Variants in STRBP observed in about 807,000 individuals in gnomAD.
STRBP encodes the protein spermatid perinuclear RNA binding protein.
STRBP carries 13 observed loss-of-function variants against 80.1 expected under a neutral mutation model. The ratio of observed to expected loss-of-function variants is 0.16; its 90% CI spans 0.11 to 0.26. STRBP has a LOEUF of 0.26. STRBP is among the 10% of genes least tolerant of loss of function. The probability of loss-of-function intolerance (pLI) is 1.00; values close to 1 mark genes in which losing one functional copy is unlikely to be tolerated. For synonymous variants in STRBP, 284 were observed against 291.2 expected (o/e 0.98, Z 0.25); for missense variants, 485 against 815.2 (o/e 0.59, Z 4.93).
At chr9:123,228,082 G>T (rs2040295443) in intron 2 of STRBP, among the ~76,000 whole-genome samples, 1 of 152,182 alleles carries the variant, frequency 6.6e-6, no homozygotes, top group East Asian at 1.9e-4. Context: ...ATTGGATGTG[G>T]GATGTGAGAA....
rs144477622 is a variant in STRBP, at chr9:123,137,467, T to C, written c.1498-952A>G. On this transcript the variant is annotated intron_variant, in intron 14 of 18. Transcript: ENST00000348403. ...CTCTGTGGCCCAGGCTGGAGTGCAG[T>C]GGTGCAATCTCGGCTCACTGCAACC... Among the ~76,000 whole-genome samples the C allele has an allele frequency of 3.2e-3, 486 of 152,298 alleles. 1 individual carries two copies. The highest frequency in any genetic ancestry group is 0.011 in the African/African-American group (467 of 41,566).
At chr9:123,249,985 T>A (rs1349190135) in intron 1 of STRBP, among the ~76,000 whole-genome samples, 1 of 152,202 alleles carries the variant, frequency 6.6e-6, no homozygotes. Context: ...CAATGCATAA[T>A]GTTATAAAAC....
intron 2 of STRBP, chr9:123,116,219 T>A (rs182267642): frequency 9.1e-5 from 37 of 408,308 alleles, no homozygotes; most frequent in Middle Eastern, 4.7e-4. Context: ...GGTGATCCCA[T>A]GGGTTAGAGC....
chr9:123,230,082 G>A (rs1175877420), intron 2 of STRBP, among the ~76,000 whole-genome samples: 2 of 152,126 alleles, frequency 1.3e-5, no homozygotes, highest in Non-Finnish European at 2.9e-5. Flanking sequence ...TTAGCATAAT[G>A]ACTATGGAAT....
At chr9:123,175,286 G>C (rs1195452371) in intron 4 of STRBP, among the ~76,000 whole-genome samples, 1 of 152,174 alleles carries the variant, frequency 6.6e-6, no homozygotes, top group Non-Finnish European at 1.5e-5. Flanking sequence ...TGTCAAGCAA[G>C]GCAAACTGAA....
intron 1 of STRBP, among the ~76,000 whole-genome samples, chr9:123,263,834 A>ATT (rs2041210491): frequency 6.6e-6 from 1 of 152,118 alleles, no homozygotes; most frequent in Non-Finnish European, 1.5e-5. Flanking sequence ...TCAGTAATCA[A>ATT]TTTTCTGCAA....
intron 10 of STRBP, 28 bp downstream of exon 10, chr9:123,158,304 A>C (rs779208035): frequency 1.2e-6 from 2 of 1,603,264 alleles, no homozygotes; most frequent in South Asian, 2.2e-5. Context: ...TTCACTAATA[A>C]GTCAGAGTGG....
rs142930100 is a variant in STRBP at position 123,151,113 on chromosome 9, A to G, written c.1046-3243T>C. Among the ~76,000 whole-genome samples, 870 of 152,336 alleles carry G rather than the reference A, an allele frequency of 5.7e-3. 16 individuals are homozygous for G. Among genetic ancestry groups the G allele is most frequent in the Non-Finnish European group, 7.0e-3 (477 of 68,022 alleles). On this transcript the variant is annotated intron_variant, in intron 11 of 18. Transcript: ENST00000348403. Reference sequence around the variant, plus strand: ...AATCAAGAGAAATCACACACAATAGAAAAAGACCCAAAATGGACCCAGATG... The same window carrying G: ...AATCAAGAGAAATCACACACAATAGGAAAAGACCCAAAATGGACCCAGATG...
Position 123,122,571 on chromosome 9 carries a change from C to T in STRBP, c.*3026G>A. 1 of 1,121,310 alleles carries T rather than the reference C, an allele frequency of 8.9e-7. No individual in the cohort carries two copies. Among genetic ancestry groups the T allele is most frequent in the Non-Finnish European group, 1.1e-6 (1 of 909,630 alleles). The allele number at this position is 1,121,310 out of a possible 1,614,324, so 69.5% of individuals were successfully genotyped here. On this transcript the variant is annotated 3_prime_UTR_variant, in exon 19 of 19. Coordinates refer to ENST00000348403, the MANE Select transcript of STRBP (RefSeq NM_018387.5). ...AAACTCAACTCCTTACTTCACCACCCATGCACTTCATCTAGTCAGCATGAG... is the reference window on the plus strand; with the variant it reads ...AAACTCAACTCCTTACTTCACCACCTATGCACTTCATCTAGTCAGCATGAG...
chr9:123,200,734 A>ATTTTTTTTTT (rs71390418), intron 2 of STRBP, among the ~76,000 whole-genome samples: 16,958 of 37,468 alleles, frequency 0.45, 7,878 homozygotes, highest in Non-Finnish European at 0.52. Flanking sequence ...CACCCCGCTA[A>ATTTTTTTTTT]TTTTTTTTTT....
chr9:123,247,609 G>A (rs2040825184), intron 1 of STRBP, among the ~76,000 whole-genome samples: 1 of 152,154 alleles, frequency 6.6e-6, no homozygotes, highest in Non-Finnish European at 1.5e-5. Context: ...CTAGGCAACT[G>A]ATTAGTCCAG....
At chr9:123,134,407 C>G (rs1323969328) in intron 16 of STRBP, among the ~76,000 whole-genome samples, 1 of 152,188 alleles carries the variant, frequency 6.6e-6, no homozygotes, top group Non-Finnish European at 1.5e-5. Context: ...GGGCAGGAAC[C>G]TCTACCTCTA....
At chr9:123,235,320 T>C (rs906930918) in intron 2 of STRBP, among the ~76,000 whole-genome samples, 2 of 149,746 alleles carry the variant, frequency 1.3e-5, no homozygotes, top group Non-Finnish European at 3.0e-5. Flanking sequence ...TGCAAATAAA[T>C]CAATATGTGT....
rs918022977 is a variant in STRBP at position 123,136,841 on chromosome 9, C to T, written c.1498-326G>A. ...GAATAATACTCTAAATTACTAATAA[C>T]GAGAATAGAACAGTTTGGATTCACG... On this transcript the variant is annotated intron_variant, in intron 14 of 18. Coordinates refer to ENST00000348403, the MANE Select transcript of STRBP (RefSeq NM_018387.5). The surrounding 1 kb of genome is among the most constrained non-coding windows in gnomAD (Gnocchi z 4.2). Among the ~76,000 whole-genome samples, 6 of 152,220 alleles carry T rather than the reference C, an allele frequency of 3.9e-5. No individual in the cohort carries two copies. Among genetic ancestry groups the T allele is most frequent in the African/African-American group, 7.2e-5 (3 of 41,532 alleles).
intron 13 of STRBP, among the ~76,000 whole-genome samples, chr9:123,146,608 C>A (rs1447429445): frequency 6.7e-6 from 1 of 149,276 alleles, no homozygotes; most frequent in African/African-American, 2.5e-5. Context: ...ATGATCTTTG[C>A]TTCAAAAATG....
At chr9:123,189,955 G>T (rs979286990) in intron 2 of STRBP, among the ~76,000 whole-genome samples, 14 of 152,232 alleles carry the variant, frequency 9.2e-5, no homozygotes, top group African/African-American at 3.4e-4. Flanking sequence ...ATGCTTGGTA[G>T]CATGGAGAAT....
chr9:123,214,894 A>C (rs2039842058), intron 2 of STRBP, among the ~76,000 whole-genome samples: 1 of 152,138 alleles, frequency 6.6e-6, no homozygotes, highest in Non-Finnish European at 1.5e-5. Flanking sequence ...ATTTTACTTT[A>C]GTCTCTGGGC....
chr9:123,223,049 TGATAGATAGATA>T (rs33997248), intron 2 of STRBP, among the ~76,000 whole-genome samples: 2,155 of 147,986 alleles, frequency 0.015, 25 homozygotes, highest in Middle Eastern at 0.042. Context: ...GATAGATAGA[TGATAGATAGATA>T]GATAGATAGA....
Position 123,158,489 on chromosome 9 carries a change from A to C in STRBP, c.836-60T>G, listed in dbSNP as rs759987509. The stretch of plus-strand genomic sequence containing the variant: ...ACTGAGTTTAGAATTCGGTAAACTA[A>C]AACAAAAGAGAGATGGCTGGGGAGA... On this transcript the variant is annotated intron_variant, in intron 9 of 18. Transcript: ENST00000348403. 1.1e-4 allele frequency: 164 copies of C among 1,461,454 alleles called. 1 individual carries two copies. Among genetic ancestry groups the C allele is most frequent in the Non-Finnish European group, 1.2e-4 (128 of 1,049,856 alleles). 90.5% of individuals were successfully genotyped at this position (1,461,454 alleles called of 1,614,324 possible).
Sources: allele counts gnomAD v4.1 joint callset (sites outside exome capture counted in the v4.1 genomes callset), GRCh38; gene constraint gnomAD v4.1.1; non-coding constraint Gnocchi (gnomAD v3.1); transcripts MANE v1.5; gene names NCBI Gene and HGNC (gene_info 2026-07-23, HGNC 2026-07-21).